The following RBM6 variants were observed in gnomAD, a reference collection of about 807,000 sequenced individuals.
The protein encoded by RBM6 is RNA binding motif protein 6, also known as RNA-binding protein 6.
RBM6 carries 23 observed loss-of-function variants against 140.4 expected under a neutral mutation model. The observed-to-expected ratio is 0.16, with a 90% CI of 0.12 to 0.23. The LOEUF is 0.23. RBM6 is among the 10% of genes least tolerant of loss of function. RBM6 has a pLI of 1.00. For missense variants in RBM6, 1,139 were observed against 1,386.7 expected, an observed-to-expected ratio of 0.82 and a Z score of 2.84; for synonymous variants, 439 against 475.6, an observed-to-expected ratio of 0.92 and a Z score of 1.00.
intron 6 of RBM6, among the ~76,000 whole-genome samples, chr3:50,028,811 C>G (rs1398355386): frequency 6.6e-6 from 1 of 152,168 alleles, no homozygotes; most frequent in Non-Finnish European, 1.5e-5. Flanking sequence ...ACACATATTG[C>G]ATAAAGTGGT....
At chr3:50,006,525 G>A (rs185950111) in intron 6 of RBM6, among the ~76,000 whole-genome samples, 1 of 152,164 alleles carries the variant, frequency 6.6e-6, no homozygotes, top group East Asian at 1.9e-4. Context: ...GTTGCATTTC[G>A]GCTCCATCAC....
At chr3:49,973,942 G>T (rs941466427) in intron 4 of RBM6, among the ~76,000 whole-genome samples, 13 of 151,972 alleles carry the variant, frequency 8.6e-5, no homozygotes, top group African/African-American at 2.4e-5. Context: ...CTGTCACCCA[G>T]GCTGGAGTGC....
chr3:50,036,852 G>A (rs1038322219), intron 6 of RBM6, among the ~76,000 whole-genome samples: 6 of 152,176 alleles, frequency 3.9e-5, no homozygotes, highest in African/African-American at 1.2e-4. Flanking sequence ...CGCGATCTTG[G>A]CTCACTGCAG....
In RBM6 at chr3:49,968,233, A is replaced by C. The variant is rs898267378; in HGVS notation, c.808A>C (p.Arg270=). The change falls in exon 3 of 21, where the codon AGG becomes CGG. Residue 270 remains arginine, a synonymous_variant. Coordinates refer to ENST00000266022, the MANE Select transcript of RBM6 (RefSeq NM_005777.3). Reference sequence around the variant, plus strand: ...CCGATCTAGGACTGATCAGGATTTTAGGGGCAGAGAGATGGGATCTTGTAT... The same window carrying C: ...CCGATCTAGGACTGATCAGGATTTTCGGGGCAGAGAGATGGGATCTTGTAT... ...RHRSRTDQDF[R]GREMGSCMEF... The C allele has an allele frequency of 1.9e-6, 3 of 1,614,144 alleles. No individual in the cohort carries two copies. In the South Asian group the frequency reaches 3.3e-5, roughly 18 times the overall value.
rs572005801 is a variant in RBM6, at chr3:50,052,760, C to T, written c.1633-1575C>T. 1.6e-4 allele frequency among the ~76,000 whole-genome samples: 25 copies of T among 152,244 alleles called. No individual in the cohort carries two copies. The East Asian group carries it at 1.7e-3, about 11-fold the overall frequency. ...GTGGCTTCTCATCCCAGGACCCAGG[C>T]GGAAGAAACAGTCTCAATATGGGGC... On this transcript the variant is annotated intron_variant, in intron 7 of 20. Coordinates refer to ENST00000266022, the MANE Select transcript of RBM6 (RefSeq NM_005777.3).
At chr3:50,046,324 A>G (rs1180117370) in intron 6 of RBM6, among the ~76,000 whole-genome samples, 1 of 151,336 alleles carries the variant, frequency 6.6e-6, no homozygotes, top group Non-Finnish European at 1.5e-5. Context: ...TTACGCCTGT[A>G]ATCCCAGCAC....
intron 6 of RBM6, among the ~76,000 whole-genome samples, chr3:50,026,670 G>A (rs926136728): frequency 2.6e-5 from 4 of 151,438 alleles, no homozygotes; most frequent in African/African-American, 2.4e-5. Flanking sequence ...ATAGGACTTT[G>A]GGAGGCCGAG....
chr3:50,027,069 A>G (rs1175942097), intron 6 of RBM6, among the ~76,000 whole-genome samples: 2 of 152,098 alleles, frequency 1.3e-5, no homozygotes, highest in East Asian at 1.9e-4. Flanking sequence ...TTTCCATTAT[A>G]ATATGGTAAG....
At position 49,997,164 on chromosome 3, in the gene RBM6, C is replaced by CT. The variant is rs1048582784; in HGVS notation, c.1484-2264dup. On this transcript the variant is annotated intron_variant, in intron 5 of 20. Coordinates refer to ENST00000266022, the MANE Select transcript of RBM6 (RefSeq NM_005777.3). ...CATGAGTCTTGAACACACAGAATAC[C>CT]TTTTTTTTTTTTAACGTTTTAGGCA... Among the ~76,000 whole-genome samples the CT allele has an allele frequency of 7.6e-3, 1,102 of 144,676 alleles. 12 individuals carry two copies. Among genetic ancestry groups the CT allele is most frequent in the African/African-American group, 0.023 (917 of 39,664 alleles). The allele number at this position is 144,676 out of a possible 152,430, so 94.9% of individuals were successfully genotyped here. A position where few individuals can be genotyped will look rare whatever the true frequency, so the allele number is the denominator to read the frequency against.
intron 6 of RBM6, among the ~76,000 whole-genome samples, chr3:50,019,918 A>ATT (rs745603311): frequency 1.5e-5 from 2 of 136,240 alleles, no homozygotes; most frequent in African/African-American, 5.4e-5. Flanking sequence ...ACATTAATTG[A>ATT]TTTTTTTTTT....
chr3:49,941,756 C>T (rs1430005164), intron 1 of RBM6, among the ~76,000 whole-genome samples: 2 of 149,228 alleles, frequency 1.3e-5, no homozygotes, highest in African/African-American at 2.5e-5. Flanking sequence ...TTAGTAGAGG[C>T]GGAGTTTCGC....
At chr3:49,971,953 T>C (rs1348491688) in intron 3 of RBM6, 106 bp from the exon 4 acceptor site, 3 of 797,426 alleles carry the variant, frequency 3.8e-6, no homozygotes, top group Admixed American at 2.3e-5. Flanking sequence ...TATCTTCACG[T>C]GACATGTCAT....
In RBM6 at chr3:50,062,108, G is replaced by T. The variant is rs774775448; in HGVS notation, c.2586G>T (p.Arg862Ser). Residue 862 changes from arginine to serine, a missense_variant and splice_region_variant, in exon 15 of 21, where the codon AGG becomes AGT. Arg to Ser is a moderately radical substitution (Grantham distance 110). This residue lies in a region of RBM6 where 163 missense variants were observed against 182.8 expected (regional missense o/e 0.89). Transcript: ENST00000266022. ...GKEKKDRGVTRFQENASEGKA... is the reference protein window; with the variant it reads ...GKEKKDRGVTSFQENASEGKA... The stretch of plus-strand genomic sequence containing the variant: ...AGAAAAAAGACAGAGGAGTGACGAG[G>T]GTAAGAGGAATTGTTAATTTGCTGT... 14 of 1,610,536 alleles carry T rather than the reference G, an allele frequency of 8.7e-6. No homozygotes were observed. The highest frequency in any genetic ancestry group is 1.1e-5 in the South Asian group (1 of 90,286).
intron 1 of RBM6, among the ~76,000 whole-genome samples, chr3:49,943,323 G>A (rs1465139761): frequency 1.3e-5 from 2 of 151,064 alleles, no homozygotes; most frequent in Non-Finnish European, 2.9e-5. Context: ...TTTTTTTTGA[G>A]ACAGGGTCTT....
intron 1 of RBM6, among the ~76,000 whole-genome samples, chr3:49,951,459 C>G (rs2083725640): frequency 6.6e-6 from 1 of 151,928 alleles, no homozygotes; most frequent in Non-Finnish European, 1.5e-5. Flanking sequence ...AACTCCTGAG[C>G]TCAAGCATCA....
At chr3:50,068,876 C>T in intron 18 of RBM6, 112 bp downstream of exon 18, 1 of 937,506 alleles carries the variant, frequency 1.1e-6, no homozygotes, top group Non-Finnish European at 1.6e-6. Flanking sequence ...ACAAAAGCAG[C>T]CTCAAAAGAT....
intron 6 of RBM6, among the ~76,000 whole-genome samples, chr3:50,012,961 T>C (rs2086930675): frequency 6.6e-6 from 1 of 151,552 alleles, no homozygotes; most frequent in Non-Finnish European, 1.5e-5. Context: ...CAGGCTGGTA[T>C]TGAACTCCCG....
chr3:49,964,359 G>A (rs1375543883), intron 2 of RBM6, among the ~76,000 whole-genome samples: 1 of 152,180 alleles, frequency 6.6e-6, no homozygotes, highest in African/African-American at 2.4e-5. Flanking sequence ...TTTCATAAAT[G>A]CTGAATGACA....
chr3:50,071,091 A>G (rs973259921), intron 19 of RBM6, among the ~76,000 whole-genome samples: 3 of 152,244 alleles, frequency 2.0e-5, no homozygotes, highest in Non-Finnish European at 4.4e-5. Flanking sequence ...GACTGAACAC[A>G]GAATAGACAA....
Sources: gnomAD v4.1 joint callset for allele counts (sites outside exome capture counted in the v4.1 genomes callset) on GRCh38, gnomAD v4.1.1 for gene constraint, gnomAD v4.1.1 regional missense constraint, MANE v1.5 for transcripts, NCBI Gene and HGNC (gene_info 2026-07-23, HGNC 2026-07-21) for gene names.